The following ANKRD17 variants were observed in gnomAD, a reference collection of about 807,000 sequenced individuals.
ANKRD17 encodes ankyrin repeat domain-containing protein 17.
In ANKRD17, 19 loss-of-function variants were observed where a neutral mutation model predicts 229.7. The ratio of observed to expected loss-of-function variants is 0.08; its 90% CI spans 0.06 to 0.12. The LOEUF is 0.12. ANKRD17 is among the 10% of genes least tolerant of loss of function. ANKRD17 has a pLI of 1.00. For synonymous variants in ANKRD17, 1,112 were observed against 1,146.1 expected, an observed-to-expected ratio of 0.97 and a Z score of 0.60; for missense variants, 2,176 against 3,176.8, an observed-to-expected ratio of 0.68 and a Z score of 7.57.
intron 14 of ANKRD17, 68 bp downstream of exon 14, chr4:73,141,673 C>T: frequency 2.8e-6 from 4 of 1,426,078 alleles, no homozygotes; most frequent in Middle Eastern, 1.8e-4. Context: ...GTAGAAATGT[C>T]TATTTTTTGG....
chr4:73,208,522 A>G (rs909127012), intron 1 of ANKRD17, among the ~76,000 whole-genome samples: 40 of 152,158 alleles, frequency 2.6e-4, no homozygotes, highest in African/African-American at 8.2e-4. Context: ...GCCAAAAATA[A>G]TTTGAGTGAC....
chr4:73,181,251 G>A (rs1735505516), intron 1 of ANKRD17, among the ~76,000 whole-genome samples: 1 of 152,160 alleles, frequency 6.6e-6, no homozygotes, highest in Admixed American at 6.5e-5. Context: ...AACATTCTAT[G>A]TGTAAAAAAT....
rs184870110 is a variant in ANKRD17, at chr4:73,147,532, C to T, written c.1568-100G>A. Reference sequence around the variant, plus strand: ...TAATAAACTGAATCTTTAAAATGAACATTTATATTACTATAATAAATAAGA... The same window carrying T: ...TAATAAACTGAATCTTTAAAATGAATATTTATATTACTATAATAAATAAGA... On this transcript the variant is annotated intron_variant, in intron 8 of 33. Transcript: ENST00000358602. 1,041 of 979,192 alleles carry T rather than the reference C, an allele frequency of 1.1e-3. 11 individuals carry two copies. The African/African-American group carries it at 0.016, about 15-fold the overall frequency. The allele number at this position is 979,192 out of a possible 1,614,324, so 60.7% of individuals were successfully genotyped here. A position where few individuals can be genotyped will look rare whatever the true frequency, so the allele number is the denominator to read the frequency against.
At chr4:73,122,755 C>T (rs1468000594) in intron 18 of ANKRD17, among the ~76,000 whole-genome samples, 6 of 152,060 alleles carry the variant, frequency 3.9e-5, no homozygotes, top group African/African-American at 1.4e-4. Flanking sequence ...TTCTTTCCAT[C>T]ACTTTTTGCT....
In ANKRD17 at chr4:73,156,037, T is replaced by A. The variant is rs761890499; in HGVS notation, c.834A>T (p.Gly278=). 3.7e-6 allele frequency: 6 copies of A among 1,600,008 alleles called. No homozygotes were observed. Among genetic ancestry groups the A allele is most frequent in the Non-Finnish European group, 5.1e-6 (6 of 1,176,210 alleles). The change falls in exon 4 of 34, where the codon GGA becomes GGT. Residue 278 remains glycine, a synonymous_variant. Coordinates refer to ENST00000358602, the MANE Select transcript of ANKRD17 (RefSeq NM_032217.5). ...ESLLCLACSA[G]YYELAQVLLA... is the part of the protein sequence containing the mutation. ...TACGAACCTGTGCAAGCTCATAGTA[T>A]CCAGCAGAACAAGCTAAACAAAGGA...
intron 25 of ANKRD17, 101 bp from the exon 26 acceptor site, chr4:73,098,621 A>G (rs907543072): frequency 9.2e-7 from 1 of 1,084,920 alleles, no homozygotes; most frequent in Non-Finnish European, 1.3e-6. Flanking sequence ...GAGATACTCT[A>G]CTACTATTAG....
chr4:73,249,606 C>CA (rs1157483459), intron 1 of ANKRD17, among the ~76,000 whole-genome samples: 2 of 152,222 alleles, frequency 1.3e-5, no homozygotes, highest in Admixed American at 6.5e-5. Flanking sequence ...CCTATAATCC[C>CA]AGCACTTTGG....
intron 1 of ANKRD17, among the ~76,000 whole-genome samples, chr4:73,251,537 G>A (rs981088737): frequency 1.4e-5 from 2 of 139,136 alleles, no homozygotes; most frequent in Non-Finnish European, 1.6e-5. Context: ...TTTTTTTTTT[G>A]AAAAGATGAA....
In ANKRD17 at chr4:73,142,518, A is replaced by G. The variant is rs892799438; in HGVS notation, c.2085+122T>C. ...GGTTTGGTAAAGAACGCTTCAAGTGAAAAAGGAGAAAATTTACACTTAGAA... is the reference window on the plus strand; with the variant it reads ...GGTTTGGTAAAGAACGCTTCAAGTGGAAAAGGAGAAAATTTACACTTAGAA... On this transcript the variant is annotated intron_variant, in intron 12 of 33. Transcript: ENST00000358602. 5.1e-6 allele frequency: 8 copies of G among 1,580,064 alleles called. No homozygotes were observed. In the Admixed American group the frequency reaches 7.5e-5, roughly 15 times the overall value.
At chr4:73,256,178 T>C (rs1476325254) in intron 1 of ANKRD17, among the ~76,000 whole-genome samples, 1 of 152,196 alleles carries the variant, frequency 6.6e-6, no homozygotes, top group Non-Finnish European at 1.5e-5. Context: ...ATTCCTATAT[T>C]ACAAAAGGAA....
intron 1 of ANKRD17, among the ~76,000 whole-genome samples, chr4:73,228,792 C>T (rs1742758814): frequency 6.6e-6 from 1 of 152,116 alleles, no homozygotes; most frequent in African/African-American, 2.4e-5. Context: ...CGTTCATACC[C>T]AAAGGATTAT....
At chr4:73,151,332 C>T in intron 7 of ANKRD17, 98 bp downstream of exon 7, 1 of 1,061,936 alleles carries the variant, frequency 9.4e-7, no homozygotes, top group Non-Finnish European at 1.4e-6. Context: ...TTCTGACAAA[C>T]AGAATCATAG....
At chr4:73,168,155 A>C (rs1484153746) in intron 2 of ANKRD17, among the ~76,000 whole-genome samples, 1 of 152,074 alleles carries the variant, frequency 6.6e-6, no homozygotes, top group African/African-American at 2.4e-5. Flanking sequence ...CGTCTCAAAA[A>C]AAAATTAAAA....
chr4:73,182,757 C>T (rs933817397), intron 1 of ANKRD17, among the ~76,000 whole-genome samples: 3 of 152,112 alleles, frequency 2.0e-5, no homozygotes, highest in African/African-American at 7.2e-5. Flanking sequence ...AAAGCAAATA[C>T]AGGAATAAGA....
chr4:73,245,647 T>C lies in ANKRD17; in HGVS notation c.393+12629A>G, dbSNP rs533284718. Among the ~76,000 whole-genome samples the C allele has an allele frequency of 9.2e-5, 14 of 152,282 alleles. 1 individual carries two copies. In the South Asian group the frequency reaches 2.7e-3, roughly 29 times the overall value. On this transcript the variant is annotated intron_variant, in intron 1 of 33. Coordinates refer to ENST00000358602, the MANE Select transcript of ANKRD17 (RefSeq NM_032217.5). ...AAATTCCTTGTAATAAATCTCTTAA[T>C]ACATAACAATCATATATAAATCTAC...
intron 1 of ANKRD17, among the ~76,000 whole-genome samples, chr4:73,229,674 A>G (rs1010783899): frequency 9.9e-5 from 15 of 151,628 alleles, no homozygotes; most frequent in African/African-American, 3.1e-4. Context: ...ACAGGTGGAG[A>G]AGAGAGAAGA....
In ANKRD17 at chr4:73,179,464, A is replaced by ATGTG. The variant is rs1449711852; in HGVS notation, c.394-1932_394-1931insCACA. Among the ~76,000 whole-genome samples, 7 of 91,946 alleles carry ATGTG rather than the reference A, an allele frequency of 7.6e-5. No homozygotes were observed. In the Admixed American group the frequency reaches 8.9e-4, roughly 12 times the overall value. 60.3% of individuals were successfully genotyped at this position (91,946 alleles called of 152,430 possible). A position where few individuals can be genotyped will look rare whatever the true frequency, so the allele number is the denominator to read the frequency against. On this transcript the variant is annotated intron_variant, in intron 1 of 33. Transcript: ENST00000358602. ...TATATATATCTGTGTATATATGTAT[A>ATGTG]TATGTGTGTGTGTGTGTGTGTGTGT...
At chr4:73,232,510 C>T (rs906356641) in intron 1 of ANKRD17, among the ~76,000 whole-genome samples, 1 of 152,084 alleles carries the variant, frequency 6.6e-6, no homozygotes, top group Non-Finnish European at 1.5e-5. Flanking sequence ...CACTCAAAAT[C>T]GAGCATGTAA....
chr4:73,254,948 T>C (rs1321073573), intron 1 of ANKRD17, among the ~76,000 whole-genome samples: 3 of 152,308 alleles, frequency 2.0e-5, no homozygotes, highest in South Asian at 2.1e-4. Flanking sequence ...AAGAGCATCA[T>C]GGCTTTTATG....
Sources: gnomAD v4.1 joint callset for allele counts (sites outside exome capture counted in the v4.1 genomes callset) on GRCh38, gnomAD v4.1.1 for gene constraint, MANE v1.5 for transcripts, NCBI Gene and HGNC (gene_info 2026-07-23, HGNC 2026-07-21) for gene names.